Variants in BCAR3 observed in about 807,000 individuals in gnomAD.
BCAR3 encodes the protein breast cancer anti-estrogen resistance protein 3.
In BCAR3, 37 loss-of-function variants were observed where a neutral mutation model predicts 80.1. That is an observed-to-expected ratio of 0.46 (90% CI 0.36 to 0.61). BCAR3 has a LOEUF of 0.61. BCAR3 is among the 20% of genes least tolerant of loss of function. The pLI, the probability that BCAR3 is intolerant of heterozygous loss-of-function variation, is 0.00. For missense variants in BCAR3, 978 were observed against 1,068.2 expected (o/e 0.92, Z 1.18); for synonymous variants, 389 against 418.9 (o/e 0.93, Z 0.87).
intron 3 of BCAR3, among the ~76,000 whole-genome samples, chr1:93,596,115 T>C (rs948222604): frequency 2.0e-5 from 3 of 152,240 alleles, no homozygotes; most frequent in Non-Finnish European, 2.9e-5. Flanking sequence ...CTAATTGATC[T>C]AAGTTCTAAT....
At chr1:93,713,123 T>C (rs1650080028) in intron 2 of BCAR3, among the ~76,000 whole-genome samples, 1 of 152,242 alleles carries the variant, frequency 6.6e-6, no homozygotes, top group African/African-American at 2.4e-5. Context: ...CTAGTATGAC[T>C]GAGAAATTGC....
chr1:93,585,839 A>G (rs1673920414), intron 5 of BCAR3, among the ~76,000 whole-genome samples: 1 of 152,128 alleles, frequency 6.6e-6, no homozygotes, highest in Admixed American at 6.5e-5. Flanking sequence ...CCCAGGCTCA[A>G]GCAATCCTCC....
intron 2 of BCAR3, among the ~76,000 whole-genome samples, chr1:93,826,605 T>C (rs6662311): frequency 6.6e-6 from 1 of 152,040 alleles, no homozygotes; most frequent in African/African-American, 2.4e-5. Context: ...GTAGTTTACA[T>C]TCCAGTGAGG....
intron 3 of BCAR3, among the ~76,000 whole-genome samples, chr1:93,625,025 AT>A (rs1675415119): frequency 6.6e-6 from 1 of 152,168 alleles, no homozygotes; most frequent in South Asian, 2.1e-4. Context: ...CCTCACTAAC[AT>A]GGTGAAACCC....
intron 2 of BCAR3, among the ~76,000 whole-genome samples, chr1:93,644,923 C>T (rs1323025312): frequency 1.3e-5 from 2 of 152,176 alleles, no homozygotes; most frequent in African/African-American, 2.4e-5. Flanking sequence ...AATTCCAGTT[C>T]GAAGGTGCAT....
chr1:93,807,297 G>A (rs1312582322), intron 2 of BCAR3, among the ~76,000 whole-genome samples: 3 of 152,132 alleles, frequency 2.0e-5, no homozygotes, highest in Admixed American at 6.5e-5. Context: ...AAGGATCACT[G>A]AGGGGGAAAA....
In BCAR3 at chr1:93,624,278, C is replaced by A. The variant is rs555142134; in HGVS notation, c.357+18026G>T. On this transcript the variant is annotated intron_variant, in intron 3 of 11. Transcript: ENST00000260502. ...AATTTAGAGGTACTGGCTGAGACAT[C>A]CCCTTATTGAGGCCAGGTGAGCTTT... Among the ~76,000 whole-genome samples the A allele has an allele frequency of 1.1e-4, 17 of 152,356 alleles. No individual in the cohort carries two copies. In the South Asian group the frequency reaches 1.4e-3, roughly 13 times the overall value.
chr1:93,647,864 C>G (rs1186956527), intron 2 of BCAR3, among the ~76,000 whole-genome samples: 1 of 151,974 alleles, frequency 6.6e-6, no homozygotes, highest in African/African-American at 2.4e-5. Flanking sequence ...CCTCTGCCTC[C>G]CGGGTTCAAG....
intron 10 of BCAR3, 56 bp downstream of exon 10, chr1:93,567,684 C>G (rs976544127): frequency 3.1e-5 from 47 of 1,529,786 alleles, no homozygotes; most frequent in Non-Finnish European, 3.8e-5. Flanking sequence ...GCCCTGTGTA[C>G]TTGTACTCCA....
intron 3 of BCAR3, among the ~76,000 whole-genome samples, chr1:93,617,061 A>G (rs965563376): frequency 1.3e-5 from 2 of 152,230 alleles, no homozygotes; most frequent in African/African-American, 4.8e-5. Context: ...ACTGCCCTCA[A>G]TGCCAGTTTT....
intron 2 of BCAR3, among the ~76,000 whole-genome samples, chr1:93,785,422 G>A (rs1239280992): frequency 6.6e-6 from 1 of 152,222 alleles, no homozygotes; most frequent in African/African-American, 2.4e-5. Context: ...ACTGCTGATA[G>A]GAGGAAAGCT....
chr1:93,841,846 C>T (rs1468884661), intron 2 of BCAR3, among the ~76,000 whole-genome samples: 1 of 152,202 alleles, frequency 6.6e-6, no homozygotes, highest in Non-Finnish European at 1.5e-5. Flanking sequence ...CAACCAAGGT[C>T]AAGTTTTTGG....
At chr1:93,562,466 T>A (rs1672724792) in intron 11 of BCAR3, 47 bp from the exon 12 acceptor site, 1 of 1,586,410 alleles carries the variant, frequency 6.3e-7, no homozygotes, top group African/African-American at 1.3e-5. Context: ...CTGCCTAAGA[T>A]GTGTTAAAAA....
At chr1:93,646,703 C>G (rs1676157062) in intron 2 of BCAR3, 1 of 152,012 alleles carries the variant, frequency 6.6e-6, no homozygotes, top group Admixed American at 6.5e-5. Context: ...TAAAACCCAG[C>G]CCAAGACAGA....
intron 2 of BCAR3, among the ~76,000 whole-genome samples, chr1:93,743,830 T>C (rs898668402): frequency 7.2e-5 from 11 of 152,254 alleles, no homozygotes; most frequent in African/African-American, 2.7e-4. Context: ...TCTGTGTGCC[T>C]GTCATTTCTC....
chr1:93,563,742 G>A (rs1230433080), intron 11 of BCAR3, among the ~76,000 whole-genome samples: 1 of 151,634 alleles, frequency 6.6e-6, no homozygotes, highest in Non-Finnish European at 1.5e-5. Context: ...GCCCAGGCTG[G>A]AGTGCAGTGG....
chr1:93,720,555 C>G (rs1476454913), intron 2 of BCAR3, among the ~76,000 whole-genome samples: 3 of 152,224 alleles, frequency 2.0e-5, no homozygotes, highest in Non-Finnish European at 4.4e-5. Flanking sequence ...TCCCAGACCA[C>G]AGCGCCTGAT....
chr1:93,627,882 T>C (rs890003640), intron 3 of BCAR3, among the ~76,000 whole-genome samples: 4 of 152,322 alleles, frequency 2.6e-5, no homozygotes, highest in South Asian at 2.1e-4. Context: ...GATTGAGCCA[T>C]AAGTTTTCAG....
intron 2 of BCAR3, among the ~76,000 whole-genome samples, chr1:93,786,016 AC>A (rs1310118976): frequency 8.3e-6 from 1 of 120,546 alleles, no homozygotes; most frequent in Non-Finnish European, 1.6e-5. Context: ...ACACGGTGAA[AC>A]CCCGTCTCTA....
Sources: gnomAD v4.1 joint callset for allele counts (sites outside exome capture counted in the v4.1 genomes callset) on GRCh38, gnomAD v4.1.1 for gene constraint, MANE v1.5 for transcripts, NCBI Gene and HGNC (gene_info 2026-07-23, HGNC 2026-07-21) for gene names.